The following GPC5 variants were observed in gnomAD, a reference collection of about 807,000 sequenced individuals.
GPC5 encodes the protein glypican-5.
Under a neutral mutation model 53.9 loss-of-function variants are expected in GPC5, and 47 were observed. That is an observed-to-expected ratio of 0.87 (90% CI 0.69 to 1.11). GPC5 has a LOEUF of 1.11. GPC5 is among the 50% of genes most tolerant of loss of function. The pLI is 0.00. For missense variants in GPC5, 748 were observed against 713.1 expected (o/e 1.05, Z -0.56); for synonymous variants, 286 against 263.3 (o/e 1.09, Z -0.84).
chr13:91,699,485 G>T (rs1370535938), intron 3 of GPC5, among the ~76,000 whole-genome samples: 3 of 152,162 alleles, frequency 2.0e-5, no homozygotes, highest in Non-Finnish European at 4.4e-5. Context: ...AGTGTTGAAA[G>T]ATATTATTTT....
intron 5 of GPC5, among the ~76,000 whole-genome samples, chr13:91,830,953 ATATATATCCTATTATATAT>A (rs1328447322): frequency 1.5e-5 from 2 of 135,442 alleles, no homozygotes; most frequent in African/African-American, 2.8e-5. Flanking sequence ...ATTATATATG[ATATATATCCTATTATATAT>A]TATATATCCT....
At chr13:91,734,613 A>T (rs1294895531) in intron 4 of GPC5, among the ~76,000 whole-genome samples, 1 of 151,502 alleles carries the variant, frequency 6.6e-6, no homozygotes, top group Non-Finnish European at 1.5e-5. Context: ...TTTATATTAC[A>T]TAGTGGTTTT....
At chr13:91,775,908 A>T (rs923621731) in intron 5 of GPC5, among the ~76,000 whole-genome samples, 3 of 152,222 alleles carry the variant, frequency 2.0e-5, no homozygotes, top group African/African-American at 4.8e-5. Context: ...AATCATCCAT[A>T]TGTTAGAAAG....
At chr13:91,474,768 T>A (rs1346493744) in intron 2 of GPC5, among the ~76,000 whole-genome samples, 1 of 152,150 alleles carries the variant, frequency 6.6e-6, no homozygotes, top group Non-Finnish European at 1.5e-5. Context: ...AAAACATTTT[T>A]ATTAAATAAG....
intron 7 of GPC5, among the ~76,000 whole-genome samples, chr13:92,388,205 T>C (rs1039235855): frequency 6.6e-6 from 1 of 152,056 alleles, no homozygotes; most frequent in African/African-American, 2.4e-5. Flanking sequence ...ATTTTTTCCA[T>C]TTTGCTAATA....
At chr13:92,262,424 G>T (rs1426391671) in intron 7 of GPC5, among the ~76,000 whole-genome samples, 1 of 152,108 alleles carries the variant, frequency 6.6e-6, no homozygotes, top group Non-Finnish European at 1.5e-5. Context: ...TTAATGTTGG[G>T]TTAAGACCTG....
At chr13:92,707,057 GACC>G (rs1887976192) in intron 7 of GPC5, among the ~76,000 whole-genome samples, 1 of 152,142 alleles carries the variant, frequency 6.6e-6, no homozygotes, top group African/African-American at 2.4e-5. Flanking sequence ...CCAATAACCT[GACC>G]ATGGTGGCAC....
chr13:92,390,618 C>T (rs1297831730), intron 7 of GPC5, among the ~76,000 whole-genome samples: 7 of 152,030 alleles, frequency 4.6e-5, no homozygotes, highest in African/African-American at 1.4e-4. Flanking sequence ...TGATCCTAGT[C>T]GTGATGTTTA....
At chr13:91,798,697 A>T (rs1457292466) in intron 5 of GPC5, among the ~76,000 whole-genome samples, 5 of 152,144 alleles carry the variant, frequency 3.3e-5, no homozygotes, top group Admixed American at 1.3e-4. Flanking sequence ...TTACGTATAT[A>T]TCCAGTAATG....
At chr13:91,642,787 CTATT>C (rs2034463043) in intron 2 of GPC5, among the ~76,000 whole-genome samples, 1 of 148,088 alleles carries the variant, frequency 6.8e-6, no homozygotes, top group Admixed American at 6.8e-5. Context: ...GGAAAGGAAA[CTATT>C]GATTGGAGAG....
chr13:91,915,001 G>A (rs2039645087), intron 6 of GPC5, among the ~76,000 whole-genome samples: 1 of 152,108 alleles, frequency 6.6e-6, no homozygotes, highest in Non-Finnish European at 1.5e-5. Context: ...AGCTGATTCT[G>A]TGAACTTATT....
chr13:92,479,362 T>A (rs181035790), intron 7 of GPC5, among the ~76,000 whole-genome samples: 1 of 152,132 alleles, frequency 6.6e-6, no homozygotes, highest in Non-Finnish European at 1.5e-5. Context: ...AGCGATAAAC[T>A]TCACTAAACA....
chr13:92,141,617 C>T (rs1377850217), intron 6 of GPC5, among the ~76,000 whole-genome samples: 2 of 152,104 alleles, frequency 1.3e-5, no homozygotes, highest in East Asian at 3.9e-4. Context: ...TTCATTTTCT[C>T]TTCCTGCATA....
At chr13:91,442,443 A>G (rs1429765314) in intron 1 of GPC5, among the ~76,000 whole-genome samples, 2 of 152,240 alleles carry the variant, frequency 1.3e-5, no homozygotes, top group Non-Finnish European at 1.5e-5. Context: ...GTTTAAGTGC[A>G]TGTTATAGTA....
intron 7 of GPC5, among the ~76,000 whole-genome samples, chr13:92,219,008 G>C (rs1251029587): frequency 6.6e-6 from 1 of 152,080 alleles, no homozygotes; most frequent in African/African-American, 2.4e-5. Flanking sequence ...ATAATAAATG[G>C]ATAATCTTCT....
chr13:92,602,834 T>C (rs1192804049), intron 7 of GPC5, among the ~76,000 whole-genome samples: 1 of 150,286 alleles, frequency 6.7e-6, no homozygotes, highest in Non-Finnish European at 1.5e-5. Flanking sequence ...GAAGTCCTTA[T>C]AGTCATAGTT....
intron 7 of GPC5, among the ~76,000 whole-genome samples, chr13:92,609,801 G>C (rs1884374071): frequency 1.3e-5 from 2 of 152,108 alleles, no homozygotes; most frequent in South Asian, 4.2e-4. Flanking sequence ...GGGAGGCCCA[G>C]GTGGGTGGAT....
Position 92,788,779 on chromosome 13 carries a change from G to C in GPC5, c.1562-77503G>C, listed in dbSNP as rs1004229. Among the ~76,000 whole-genome samples the C allele has an allele frequency of 2.3e-3, 353 of 152,242 alleles. 2 individuals are homozygous for C. The highest frequency in any genetic ancestry group is 7.9e-3 in the African/African-American group (327 of 41,542). ...AAGGGAGCAGGAGTGGGCAGATAAA[G>C]TCATCCTGCTTTGATGCTGGTCTCA... is the stretch of plus-strand genomic sequence containing the variant. On this transcript the variant is annotated intron_variant, in intron 7 of 7. Transcript: ENST00000377067.
intron 7 of GPC5, among the ~76,000 whole-genome samples, chr13:92,576,565 G>A (rs1270893698): frequency 6.6e-6 from 1 of 152,092 alleles, no homozygotes; most frequent in Non-Finnish European, 1.5e-5. Context: ...GTCAGAGCCT[G>A]AAAATTAGAC....
Sources: allele counts gnomAD v4.1 joint callset (sites outside exome capture counted in the v4.1 genomes callset), GRCh38; gene constraint gnomAD v4.1.1; transcripts MANE v1.5; gene names NCBI Gene and HGNC (gene_info 2026-07-23, HGNC 2026-07-21).